PTPRK: variants seen among roughly 807,000 people sequenced by gnomAD.
PTPRK encodes the protein protein tyrosine phosphatase receptor type K.
In PTPRK, 75 loss-of-function variants were observed where a neutral mutation model predicts 178.0. That is an observed-to-expected ratio of 0.42 (90% CI 0.35 to 0.51). The LOEUF (loss-of-function observed/expected upper bound fraction) is 0.51. PTPRK is among the 20% of genes least tolerant of loss of function. The pLI, the probability that PTPRK is intolerant of heterozygous loss-of-function variation, is 0.02. For missense variants in PTPRK, 1,441 were observed against 1,797.8 expected, an observed-to-expected ratio of 0.80 and a Z score of 3.59; for synonymous variants, 637 against 620.6, an observed-to-expected ratio of 1.03 and a Z score of -0.39.
intron 6 of PTPRK, among the ~76,000 whole-genome samples, chr6:128,193,957 T>C (rs1240149445): frequency 2.6e-5 from 4 of 151,734 alleles, no homozygotes; most frequent in East Asian, 3.9e-4. Context: ...AATCAAACTA[T>C]AGGGAAACTA....
chr6:127,995,055 A>T (rs1030246120), intron 18 of PTPRK, among the ~76,000 whole-genome samples: 2 of 152,028 alleles, frequency 1.3e-5, no homozygotes, highest in South Asian at 4.1e-4. Flanking sequence ...TCTACACAAG[A>T]AAAGGGAAGG....
At chr6:128,421,577 A>AG (rs933784548) in intron 1 of PTPRK, among the ~76,000 whole-genome samples, 28 of 152,224 alleles carry the variant, frequency 1.8e-4, no homozygotes, top group African/African-American at 6.5e-4. Context: ...ACTCTTCACA[A>AG]GTATTCACTT....
At chr6:127,996,771 G>A in intron 17 of PTPRK, 130 bp downstream of exon 17, 1 of 1,218,642 alleles carries the variant, frequency 8.2e-7, no homozygotes, top group Non-Finnish European at 1.1e-6. Context: ...AAGCCTGATT[G>A]TAAATGCTGT....
At chr6:128,183,158 C>T (rs1334979483) in intron 7 of PTPRK, among the ~76,000 whole-genome samples, 1 of 152,082 alleles carries the variant, frequency 6.6e-6, no homozygotes, top group Non-Finnish European at 1.5e-5. Context: ...AGAGAGTGAA[C>T]TAATTTTTAG....
At chr6:128,133,379 T>A (rs1794550091) in intron 7 of PTPRK, among the ~76,000 whole-genome samples, 1 of 151,928 alleles carries the variant, frequency 6.6e-6, no homozygotes, top group Non-Finnish European at 1.5e-5. Flanking sequence ...AATTTGAGAA[T>A]ATAAGGAATC....
chr6:128,011,606 T>G (rs1037306659), intron 13 of PTPRK, among the ~76,000 whole-genome samples: 3 of 151,064 alleles, frequency 2.0e-5, no homozygotes, highest in Non-Finnish European at 4.5e-5. Flanking sequence ...ACTATCATCA[T>G]GAAGTAAGAA....
intron 1 of PTPRK, among the ~76,000 whole-genome samples, chr6:128,408,260 C>T (rs989698520): frequency 5.3e-5 from 8 of 151,968 alleles, no homozygotes; most frequent in South Asian, 2.1e-4. Context: ...TGGTGGCGGG[C>T]GCCTGTAATC....
intron 6 of PTPRK, among the ~76,000 whole-genome samples, chr6:128,186,179 T>C (rs775732292): frequency 1.4e-4 from 21 of 152,086 alleles, no homozygotes; most frequent in East Asian, 5.8e-4. Context: ...AGGGGAGACA[T>C]AGTAAAAAGA....
At chr6:128,095,178 C>T (rs1335280924) in intron 7 of PTPRK, among the ~76,000 whole-genome samples, 1 of 151,930 alleles carries the variant, frequency 6.6e-6, no homozygotes, top group African/African-American at 2.4e-5. Flanking sequence ...GTACCAGAAA[C>T]CAGATCTCAA....
intron 6 of PTPRK, among the ~76,000 whole-genome samples, chr6:128,206,226 A>T (rs1806932482): frequency 6.6e-6 from 1 of 151,866 alleles, no homozygotes; most frequent in Admixed American, 6.6e-5. Context: ...ATTATTATTT[A>T]AAGTGACTTA....
At chr6:128,141,724 T>C (rs1362601018) in intron 7 of PTPRK, among the ~76,000 whole-genome samples, 1 of 151,950 alleles carries the variant, frequency 6.6e-6, no homozygotes, top group Non-Finnish European at 1.5e-5. Flanking sequence ...GCAAGAGCAT[T>C]TTATATTTAT....
intron 8 of PTPRK, 32 bp downstream of exon 8, chr6:128,089,658 C>A (rs748805957): frequency 1.9e-6 from 3 of 1,542,360 alleles, no homozygotes; most frequent in East Asian, 2.3e-5. Flanking sequence ...TTAGAGAATT[C>A]CCCCCTTTTA....
chr6:128,517,276 A>C (rs573593064), intron 1 of PTPRK, among the ~76,000 whole-genome samples: 23 of 152,278 alleles, frequency 1.5e-4, no homozygotes, highest in African/African-American at 5.1e-4. Context: ...ATCATAAAAA[A>C]CATGTGGAAA....
chr6:128,359,998 A>G (rs1395179771), intron 2 of PTPRK, among the ~76,000 whole-genome samples: 1 of 152,162 alleles, frequency 6.6e-6, no homozygotes, highest in Non-Finnish European at 1.5e-5. Context: ...GGTACAAGTT[A>G]GAAGGTCTTC....
rs75300353 is a variant in PTPRK, at chr6:128,143,038, C to T, written c.1162+41394G>A. On this transcript the variant is annotated intron_variant, in intron 7 of 29. Transcript: ENST00000368226. Reference sequence around the variant, plus strand: ...TCCATGTTAAAGGAATTGAAATATTCAACAGTTTGTCTAAAATTGATTGGT... The same window carrying T: ...TCCATGTTAAAGGAATTGAAATATTTAACAGTTTGTCTAAAATTGATTGGT... 9.7e-3 allele frequency among the ~76,000 whole-genome samples: 1,483 copies of T among 152,168 alleles called. 22 individuals are homozygous for T. The highest frequency in any genetic ancestry group is 0.034 in the African/African-American group (1,405 of 41,540).
chr6:128,275,938 C>A (rs1361421524), intron 3 of PTPRK, among the ~76,000 whole-genome samples: 1 of 151,972 alleles, frequency 6.6e-6, no homozygotes, highest in Admixed American at 6.6e-5. Flanking sequence ...AAGTCATAAC[C>A]CAACCATGCC....
chr6:128,093,623 A>G (rs1259292314), intron 7 of PTPRK, among the ~76,000 whole-genome samples: 1 of 128,092 alleles, frequency 7.8e-6, no homozygotes, highest in Admixed American at 8.0e-5. Context: ...AAAAAAAAAA[A>G]CGAAAAAACA....
intron 2 of PTPRK, among the ~76,000 whole-genome samples, chr6:128,323,782 T>C (rs1829165746): frequency 6.6e-6 from 1 of 152,142 alleles, no homozygotes; most frequent in Admixed American, 6.6e-5. Flanking sequence ...GCTGATATTA[T>C]TGTTCACTTC....
intron 13 of PTPRK, among the ~76,000 whole-genome samples, chr6:128,017,802 G>GTATATATATA (rs34836605): frequency 0.045 from 4,523 of 100,988 alleles, 171 homozygotes; most frequent in East Asian, 0.077. Context: ...ATATATATGT[G>GTATATATATA]TATATATATA....
Sources: gnomAD v4.1 joint callset for allele counts (sites outside exome capture counted in the v4.1 genomes callset) on GRCh38, gnomAD v4.1.1 for gene constraint, MANE v1.5 for transcripts, NCBI Gene and HGNC (gene_info 2026-07-23, HGNC 2026-07-21) for gene names.